Variants in TRMT44 observed in about 807,000 individuals in gnomAD.
The protein encoded by TRMT44 is tRNA methyltransferase 44 homolog.
Under a neutral mutation model 77.3 loss-of-function variants are expected in TRMT44, and 78 were observed. That is an observed-to-expected ratio of 1.01 (90% CI 0.84 to 1.22). The LOEUF (loss-of-function observed/expected upper bound fraction) is 1.22, where lower values mean the gene tolerates loss of function less well. TRMT44 is among the 50% of genes most tolerant of loss of function. TRMT44 has a pLI of 0.00. For synonymous variants in TRMT44, 391 were observed against 383.3 expected, an observed-to-expected ratio of 1.02 and a Z score of -0.23; for missense variants, 1,090 against 964.4, an observed-to-expected ratio of 1.13 and a Z score of -1.73.
intron 8 of TRMT44, among the ~76,000 whole-genome samples, chr4:8,466,566 T>C (rs2109158100): frequency 6.6e-6 from 1 of 152,398 alleles, no homozygotes; most frequent in Admixed American, 6.5e-5. Context: ...ACCTTAGGAC[T>C]CGCTGCTGAA....
In TRMT44 at chr4:8,476,120, T is replaced by C; in HGVS notation, c.*119T>C. 2.3e-6 allele frequency: 2 copies of C among 856,764 alleles called. No individual in the cohort carries two copies. The highest frequency in any genetic ancestry group is 3.6e-6 in the Non-Finnish European group (2 of 548,374). The allele number at this position is 856,764 out of a possible 1,614,324, so 53.1% of individuals were successfully genotyped here. A position where few individuals can be genotyped will look rare whatever the true frequency, so the allele number is the denominator to read the frequency against. ...TGTTTCAGCCCACCTCCTCCCAGCTTTCTCCACATCCTCACAGTGATGAAC... is the reference window on the plus strand; with the variant it reads ...TGTTTCAGCCCACCTCCTCCCAGCTCTCTCCACATCCTCACAGTGATGAAC... On this transcript the variant is annotated 3_prime_UTR_variant, in exon 11 of 11. Transcript: ENST00000389737.
rs1250003753 is a variant in TRMT44 at position 8,446,383 on chromosome 4, A to G, written c.620-93A>G. On this transcript the variant is annotated intron_variant, in intron 1 of 10. Coordinates refer to ENST00000389737, the MANE Select transcript of TRMT44 (RefSeq NM_152544.3). This position sits in a 1 kb window ranked among gnomAD's most constrained non-coding sequence, Gnocchi z 4.3. ...AATAGAGTGCTGGGGGATTGAAAGC[A>G]TCGTGCTTGACTCATCCCTATTTTT... The G allele has an allele frequency of 1.6e-5, 12 of 772,544 alleles. No individual in the cohort carries two copies. Among genetic ancestry groups the G allele is most frequent in the Non-Finnish European group, 2.5e-5 (12 of 473,832 alleles). The allele number at this position is 772,544 out of a possible 1,614,324, so 47.9% of individuals were successfully genotyped here.
the TRMT44 span, among the ~76,000 whole-genome samples, chr4:8,504,656 C>T: frequency 6.6e-6 from 1 of 152,156 alleles, no homozygotes; most frequent in African/African-American, 2.4e-5. The surrounding 1 kb of genome is among the most constrained non-coding windows in gnomAD (Gnocchi z 5.3). Context: ...TCCCTTCATC[C>T]TCCCTGTGGG....
chr4:8,474,685 T>A (rs1419786628), intron 10 of TRMT44, among the ~76,000 whole-genome samples: 3 of 152,144 alleles, frequency 2.0e-5, no homozygotes, highest in Non-Finnish European at 2.9e-5. Context: ...GCTCCTTTAT[T>A]CCCCCGAGCC....
chr4:8,492,974 C>T (rs1728053763), intron 2 of TRMT44, among the ~76,000 whole-genome samples: 1 of 152,212 alleles, frequency 6.6e-6, no homozygotes, highest in Admixed American at 6.5e-5. Flanking sequence ...GAGGCTGTGT[C>T]ACGGGCACAC....
intron 2 of TRMT44, among the ~76,000 whole-genome samples, chr4:8,485,908 A>T (rs1429646079): frequency 1.3e-5 from 2 of 151,922 alleles, no homozygotes; most frequent in Non-Finnish European, 2.9e-5. Flanking sequence ...CCTTGAAAAG[A>T]AGGCAACGTG....
intron 10 of TRMT44, 64 bp downstream of exon 10, chr4:8,471,264 ATGTT>A: frequency 1.7e-6 from 2 of 1,203,564 alleles, no homozygotes; most frequent in Non-Finnish European, 1.2e-6. Flanking sequence ...CAGTTAAATA[ATGTT>A]TTATTTTAGA....
At chr4:8,498,480 C>G (rs974625154), downstream of TRMT44, among the ~76,000 whole-genome samples, 1 of 152,168 alleles carries the variant, frequency 6.6e-6, no homozygotes, top group South Asian at 2.1e-4. The surrounding 1 kb of genome is among the most constrained non-coding windows in gnomAD (Gnocchi z 4.3). Context: ...AGGAGACTTA[C>G]AATCATGGCG....
intron 2 of TRMT44, among the ~76,000 whole-genome samples, chr4:8,491,714 G>T (rs562661113): frequency 1.3e-5 from 2 of 152,204 alleles, no homozygotes; most frequent in South Asian, 2.1e-4. Context: ...GTGCAGGCCC[G>T]CCAAACCCAC....
intron 2 of TRMT44, among the ~76,000 whole-genome samples, chr4:8,486,878 C>T (rs1366301648): frequency 1.3e-5 from 2 of 151,882 alleles, no homozygotes; most frequent in Admixed American, 1.3e-4. Flanking sequence ...AGAATTGGGA[C>T]CTAGCTCAGC....
At chr4:8,483,223 C>T (rs1727682951) in intron 2 of TRMT44, among the ~76,000 whole-genome samples, 2 of 152,148 alleles carry the variant, frequency 1.3e-5, no homozygotes, top group South Asian at 2.1e-4. Flanking sequence ...CATAGTCCTG[C>T]CAGCAAAGAT....
intron 2 of TRMT44, among the ~76,000 whole-genome samples, chr4:8,489,546 G>A (rs890917764): frequency 1.3e-5 from 2 of 152,012 alleles, no homozygotes; most frequent in South Asian, 2.1e-4. Flanking sequence ...GCACAATCTC[G>A]GCTCACTGCA....
In TRMT44 at chr4:8,454,784, G is replaced by C. The variant is rs747971205; in HGVS notation, c.1174G>C (p.Asp392His). ...TGATGTCCGAAGAAGAAAAATCTGG[G>C]ACATGTATGGACCACAAACTCAGTT... Reference protein sequence around the residue: ...GIDVRRRKIWDMYGPQTQLEE... With the variant: ...GIDVRRRKIWHMYGPQTQLEE... Residue 392 changes from aspartate to histidine, a missense_variant, in exon 6 of 11, where the codon GAC becomes CAC. Coordinates refer to ENST00000389737, the MANE Select transcript of TRMT44 (RefSeq NM_152544.3). 1 of 1,614,108 alleles carries C rather than the reference G, an allele frequency of 6.2e-7. No homozygotes were observed. The highest frequency in any genetic ancestry group is 8.5e-7 in the Non-Finnish European group (1 of 1,180,054).
intron 10 of TRMT44, among the ~76,000 whole-genome samples, chr4:8,471,522 G>A (rs985469750): frequency 7.9e-5 from 12 of 152,224 alleles, no homozygotes; most frequent in African/African-American, 2.7e-4. Flanking sequence ...GCCGCTGGCC[G>A]GTCCCCTGTT....
At chr4:8,504,503 C>T in the TRMT44 span, among the ~76,000 whole-genome samples, 4 of 152,140 alleles carry the variant, frequency 2.6e-5, no homozygotes, top group Non-Finnish European at 4.4e-5. The surrounding 1 kb of genome is among the most constrained non-coding windows in gnomAD (Gnocchi z 5.3). Context: ...TGACCCCCAG[C>T]GTGTACGGAG....
Position 8,475,995 on chromosome 4 carries a change from T to G in TRMT44, c.2268T>G (p.Ile756Met). 1 of 1,613,710 alleles carries G rather than the reference T, an allele frequency of 6.2e-7. No homozygotes were observed. The highest frequency in any genetic ancestry group is 8.5e-7 in the Non-Finnish European group (1 of 1,179,904). The change falls in exon 11 of 11, where the codon ATT becomes ATG. Residue 756 changes from isoleucine to methionine, a missense_variant. Ile to Met is a conservative substitution (Grantham distance 10, BLOSUM62 1). Coordinates refer to ENST00000389737, the MANE Select transcript of TRMT44 (RefSeq NM_152544.3). ...CCCGGACCACCCCGAGGAAGAAGAT[T>G]TCATGAGCTGCATCCTTGCCAGCCG... ...RPPRTTPRKK[I>M]S
At chr4:8,477,098 CCA>C (rs886550476), downstream of TRMT44, 8 of 152,266 alleles carry the variant, frequency 5.3e-5, no homozygotes, top group African/African-American at 1.9e-4. Context: ...CACATGCAGT[CCA>C]CACTGTTCTG....
At chr4:8,483,595 G>C (rs1204870557) in intron 2 of TRMT44, among the ~76,000 whole-genome samples, 1 of 152,182 alleles carries the variant, frequency 6.6e-6, no homozygotes, top group African/African-American at 2.4e-5. Flanking sequence ...GTTGGTGGCT[G>C]GGCTTGGTGA....
At chr4:8,507,098 A>G in the TRMT44 span, 44,191 of 152,302 alleles carry the variant, frequency 0.29, 7,056 homozygotes, top group Admixed American at 0.4. Context: ...GGAGGCCAGC[A>G]GGCACCTTTC....
Sources: allele counts gnomAD v4.1 joint callset (sites outside exome capture counted in the v4.1 genomes callset), GRCh38; gene constraint gnomAD v4.1.1; non-coding constraint Gnocchi (gnomAD v3.1); transcripts MANE v1.5; gene names NCBI Gene and HGNC (gene_info 2026-07-23, HGNC 2026-07-21).